The following WDR7 variants were observed in gnomAD, a reference collection of about 807,000 sequenced individuals.
WDR7 encodes WD repeat domain 7, also known as WD repeat-containing protein 7.
WDR7 carries 46 observed loss-of-function variants against 169.4 expected under a neutral mutation model. That is an observed-to-expected ratio of 0.27 (90% confidence interval 0.21 to 0.35). The LOEUF (loss-of-function observed/expected upper bound fraction) is 0.35, where lower values mean the gene tolerates loss of function less well. WDR7 is among the 10% of genes least tolerant of loss of function. The pLI, the probability that WDR7 is intolerant of heterozygous loss-of-function variation, is 1.00. For synonymous variants in WDR7, 612 were observed against 666.8 expected, an observed-to-expected ratio of 0.92 and a Z score of 1.27; for missense variants, 1,534 against 1,859.3, an observed-to-expected ratio of 0.83 and a Z score of 3.22.
chr18:56,976,174 A>C, intron 26 of WDR7, among the ~76,000 whole-genome samples: 1 of 152,194 alleles, frequency 6.6e-6, no homozygotes, highest in Admixed American at 6.5e-5. Flanking sequence ...GGTGAAGAAA[A>C]AGAGTAAGAA....
intron 20 of WDR7, among the ~76,000 whole-genome samples, chr18:56,816,684 ACT>A (rs2044976870): frequency 6.6e-6 from 1 of 151,658 alleles, no homozygotes; most frequent in South Asian, 2.1e-4. Context: ...ATTTTAGGAA[ACT>A]CACACACTAT....
intron 20 of WDR7, among the ~76,000 whole-genome samples, chr18:56,848,377 G>A (rs1313341445): frequency 6.6e-6 from 1 of 152,168 alleles, no homozygotes; most frequent in Non-Finnish European, 1.5e-5. Context: ...CAGGCTCATA[G>A]GTAGAAGGAA....
chr18:56,977,420 A>T (rs1434461932), intron 26 of WDR7, among the ~76,000 whole-genome samples: 1 of 152,218 alleles, frequency 6.6e-6, no homozygotes, highest in Admixed American at 6.5e-5. Flanking sequence ...GGCATCCTGA[A>T]TAGAGGCCAA....
At chr18:56,947,925 A>G (rs550260255) in intron 25 of WDR7, among the ~76,000 whole-genome samples, 12 of 152,364 alleles carry the variant, frequency 7.9e-5, no homozygotes, top group African/African-American at 2.6e-4. Flanking sequence ...AGGCTCCGTT[A>G]GAAATGAAGA....
intron 4 of WDR7, among the ~76,000 whole-genome samples, chr18:56,681,907 T>C (rs1426317751): frequency 6.6e-6 from 1 of 152,272 alleles, no homozygotes; most frequent in Non-Finnish European, 1.5e-5. Context: ...TTGTAGTTTC[T>C]GACTTACATT....
intron 22 of WDR7, 123 bp downstream of exon 22, chr18:56,924,231 T>C (rs890796151): frequency 4.3e-5 from 48 of 1,111,758 alleles, no homozygotes; most frequent in African/African-American, 6.5e-5. Flanking sequence ...TACACAAATG[T>C]TTCAATATGT....
intron 20 of WDR7, among the ~76,000 whole-genome samples, chr18:56,851,329 A>G (rs1170299337): frequency 6.6e-6 from 1 of 151,862 alleles, no homozygotes; most frequent in Non-Finnish European, 1.5e-5. Flanking sequence ...TTCTTCTCCA[A>G]CGCTGTTCCC....
At chr18:56,672,943 C>T (rs1297935227) in intron 2 of WDR7, among the ~76,000 whole-genome samples, 1 of 152,084 alleles carries the variant, frequency 6.6e-6, no homozygotes. Flanking sequence ...ATGACCCATA[C>T]TGAAGAAGGT....
chr18:56,767,044 CA>C (rs1185876276), intron 16 of WDR7, among the ~76,000 whole-genome samples: 18 of 152,064 alleles, frequency 1.2e-4, no homozygotes, highest in Non-Finnish European at 2.6e-4. Context: ...CATGTGGAAA[CA>C]GTTTCTTTTT....
chr18:56,733,173 C>G lies in WDR7; in HGVS notation c.1989+1576C>G, dbSNP rs192258752. Reference sequence around the variant, plus strand: ...GTAAAATATATTGCTTGTGAACCTCCTTAGTCTTGTAGCAGTGGTAATTGT... The same window carrying G: ...GTAAAATATATTGCTTGTGAACCTCGTTAGTCTTGTAGCAGTGGTAATTGT... On this transcript the variant is annotated intron_variant, in intron 14 of 27. Transcript: ENST00000254442. Among the ~76,000 whole-genome samples the G allele has an allele frequency of 2.4e-3, 371 of 152,228 alleles. 1 individual carries two copies. Among genetic ancestry groups the G allele is most frequent in the African/African-American group, 8.5e-3 (355 of 41,548 alleles).
chr18:56,704,058 A>G (rs1180252842), intron 12 of WDR7, among the ~76,000 whole-genome samples: 1 of 152,202 alleles, frequency 6.6e-6, no homozygotes, highest in East Asian at 1.9e-4. Context: ...AAGCCTTGCT[A>G]ATTTTCTAGT....
intron 26 of WDR7, among the ~76,000 whole-genome samples, chr18:57,015,353 T>G (rs975836510): frequency 6.6e-6 from 1 of 152,252 alleles, no homozygotes; most frequent in Non-Finnish European, 1.5e-5. Flanking sequence ...CTAAATTATT[T>G]GTTGAATCTA....
At chr18:56,843,980 A>G (rs547615531) in intron 20 of WDR7, among the ~76,000 whole-genome samples, 7 of 150,742 alleles carry the variant, frequency 4.6e-5, no homozygotes, top group African/African-American at 1.7e-4. Context: ...GTCCTGCCTC[A>G]GCCTCCTGAG....
intron 20 of WDR7, among the ~76,000 whole-genome samples, chr18:56,874,935 T>C (rs942414134): frequency 6.6e-6 from 1 of 152,202 alleles, no homozygotes; most frequent in Non-Finnish European, 1.5e-5. Flanking sequence ...TCCTCCTTTT[T>C]CCCTTACATA....
intron 21 of WDR7, among the ~76,000 whole-genome samples, chr18:56,888,618 A>G (rs183744135): frequency 1.3e-5 from 2 of 152,194 alleles, no homozygotes; most frequent in Non-Finnish European, 2.9e-5. Flanking sequence ...CAAATGAGGC[A>G]TTATTAGAAT....
At chr18:56,858,021 T>C (rs1450745930) in intron 20 of WDR7, among the ~76,000 whole-genome samples, 2 of 152,158 alleles carry the variant, frequency 1.3e-5, no homozygotes, top group Non-Finnish European at 2.9e-5. Flanking sequence ...ACCTATCACC[T>C]GACTGGGAAT....
At chr18:56,826,956 G>A (rs2045215499) in intron 20 of WDR7, among the ~76,000 whole-genome samples, 1 of 152,174 alleles carries the variant, frequency 6.6e-6, no homozygotes, top group African/African-American at 2.4e-5. Context: ...TTTTAGATAT[G>A]TCTGCATGCA....
intron 21 of WDR7, among the ~76,000 whole-genome samples, chr18:56,922,198 G>A (rs926857842): frequency 1.3e-5 from 2 of 152,130 alleles, no homozygotes; most frequent in African/African-American, 4.8e-5. Context: ...ACAAACTGGG[G>A]CAGGGAGCTG....
intron 21 of WDR7, among the ~76,000 whole-genome samples, chr18:56,893,054 A>G (rs2046285427): frequency 6.6e-6 from 1 of 151,946 alleles, no homozygotes; most frequent in East Asian, 1.9e-4. Flanking sequence ...GCATGGTACA[A>G]GACTCTTTCT....
Sources: gnomAD v4.1 joint callset for allele counts (sites outside exome capture counted in the v4.1 genomes callset) on GRCh38, gnomAD v4.1.1 for gene constraint, MANE v1.5 for transcripts, NCBI Gene and HGNC (gene_info 2026-07-23, HGNC 2026-07-21) for gene names.